Variants in AP3M1 observed in about 807,000 individuals in gnomAD.
AP3M1 encodes AP-3 complex subunit mu-1.
Under a neutral mutation model 42.6 loss-of-function variants are expected in AP3M1, and 29 were observed. The ratio of observed to expected loss-of-function variants is 0.68; its 90% CI spans 0.51 to 0.93. AP3M1 has a LOEUF of 0.93. Among genes scored for constraint, AP3M1 ranks in the 40% least tolerant of loss-of-function variants. AP3M1 has a pLI of 0.00. For missense variants in AP3M1, 416 were observed against 510.2 expected (o/e 0.82, Z 1.78); for synonymous variants, 178 against 175.3 (o/e 1.02, Z -0.12).
rs1217174661 is a variant in AP3M1 at position 74,126,143 on chromosome 10, T to C, written c.1011+5A>G. The C allele has an allele frequency of 1.2e-6, 2 of 1,613,980 alleles. No individual in the cohort carries two copies. The highest frequency in any genetic ancestry group is 3.3e-5 in the Admixed American group (2 of 59,996). ...TTGCTCACTCTTGATTTGAAGTGGC[T>C]GTACCTTGGTGACTGGATCAAATGT... On this transcript the variant is annotated splice_donor_5th_base_variant and intron_variant, in intron 7 of 8. Coordinates refer to ENST00000355264, the MANE Select transcript of AP3M1 (RefSeq NM_012095.6).
chr10:74,139,119 A>C (rs910592839), intron 1 of AP3M1, among the ~76,000 whole-genome samples: 1 of 152,008 alleles, frequency 6.6e-6, no homozygotes, highest in Non-Finnish European at 1.5e-5. Context: ...AAGCAAGAAA[A>C]TAAAACAAAA....
At chr10:74,138,068 T>G in intron 2 of AP3M1, 39 bp downstream of exon 2, 1 of 1,583,484 alleles carries the variant, frequency 6.3e-7, no homozygotes, top group Non-Finnish European at 8.6e-7. Flanking sequence ...TCAGCTAACT[T>G]GGGTCATTTA....
rs1840954043 is a variant in AP3M1 at position 74,136,615 on chromosome 10, G to GT, written c.445+16dup. ...TTTTAATTGCTCAGTTACTAGCACA[G>GT]TATGTTTTCATCTTACCTGTAATAG... On this transcript the variant is annotated intron_variant, in intron 3 of 8. Transcript: ENST00000355264. 6.6e-7 allele frequency: 1 copy of GT among 1,513,000 alleles called. No individual in the cohort carries two copies. 93.7% of individuals were successfully genotyped at this position (1,513,000 alleles called of 1,614,324 possible).
intron 4 of AP3M1, 126 bp downstream of exon 4, chr10:74,133,901 C>T: frequency 8.7e-7 from 1 of 1,152,474 alleles, no homozygotes; most frequent in Non-Finnish European, 1.2e-6. Context: ...GTTCCGCCTG[C>T]CTTGGCCTCC....
At chr10:74,128,229 G>A (rs1462018970) in intron 6 of AP3M1, among the ~76,000 whole-genome samples, 3 of 148,300 alleles carry the variant, frequency 2.0e-5, no homozygotes, top group African/African-American at 7.6e-5. Context: ...CTATAACTCC[G>A]ATCCCCAATG....
chr10:74,138,442 A>C, intron 1 of AP3M1, 60 bp from the exon 2 acceptor site: 5 of 1,465,558 alleles, frequency 3.4e-6, no homozygotes, highest in Non-Finnish European at 4.6e-6. Flanking sequence ...AACATACACA[A>C]AAAGATTATA....
At chr10:74,137,632 A>G (rs762460605) in intron 2 of AP3M1, among the ~76,000 whole-genome samples, 69 of 152,220 alleles carry the variant, frequency 4.5e-4, no homozygotes, top group Non-Finnish European at 8.4e-4. Flanking sequence ...TAGATACCAA[A>G]GTTCACAATT....
intron 4 of AP3M1, among the ~76,000 whole-genome samples, chr10:74,132,668 C>T (rs180818224): frequency 5.1e-4 from 77 of 151,190 alleles, no homozygotes; most frequent in Middle Eastern, 3.4e-3. Context: ...GCAGGGACTG[C>T]GCCAATGCAC....
chr10:74,122,234 A>G lies in AP3M1; in HGVS notation c.*1576T>C, dbSNP rs1840487818. ...GAAAGGCAGGGCAGGCAAAGGTAAG[A>G]AAACTGCTGAGTGGGCTCCTTGTAC... On this transcript the variant is annotated 3_prime_UTR_variant, in exon 9 of 9. Transcript: ENST00000355264. The G allele has an allele frequency of 6.6e-6, 1 of 152,228 alleles. No homozygotes were observed. The highest frequency in any genetic ancestry group is 6.5e-5 in the Admixed American group (1 of 15,276). 9.4% of individuals were successfully genotyped at this position (152,228 alleles called of 1,614,324 possible). A position where few individuals can be genotyped will look rare whatever the true frequency, so the allele number is the denominator to read the frequency against.
chr10:74,125,443 A>G (rs1380050155), intron 7 of AP3M1, among the ~76,000 whole-genome samples: 1 of 152,260 alleles, frequency 6.6e-6, no homozygotes, highest in African/African-American at 2.4e-5. Context: ...AAGGGCCAGG[A>G]ATCTGAAGCT....
chr10:74,127,419 A>G (rs1043410743), intron 6 of AP3M1, among the ~76,000 whole-genome samples: 4 of 151,902 alleles, frequency 2.6e-5, no homozygotes, highest in Admixed American at 6.6e-5. Flanking sequence ...CAAGGCAGGC[A>G]GATCACTGGA....
intron 1 of AP3M1, among the ~76,000 whole-genome samples, chr10:74,140,308 G>A (rs1017114708): frequency 6.6e-6 from 1 of 152,260 alleles, no homozygotes; most frequent in Non-Finnish European, 1.5e-5. Context: ...TGGCCAGCTG[G>A]TCGCCGTAGG....
At chr10:74,136,887 T>C in intron 2 of AP3M1, 84 bp from the exon 3 acceptor site, 3 of 898,186 alleles carry the variant, frequency 3.3e-6, no homozygotes, top group Non-Finnish European at 4.7e-6. Context: ...AGAATAAACT[T>C]AGAGTAGCAT....
intron 7 of AP3M1, among the ~76,000 whole-genome samples, chr10:74,125,062 A>C (rs7080130): frequency 0.73 from 111,470 of 151,926 alleles, 41,596 homozygotes; most frequent in Middle Eastern, 0.85. Context: ...CTCACCACAA[A>C]CTCTGCCTCC....
intron 6 of AP3M1, among the ~76,000 whole-genome samples, chr10:74,127,167 G>C (rs1401251382): frequency 6.6e-6 from 1 of 151,848 alleles, no homozygotes; most frequent in Admixed American, 6.6e-5. Flanking sequence ...TTTATGTAAG[G>C]GACTCGAGCA....
Position 74,147,486 on chromosome 10 carries a change from G to A in AP3M1, c.-4+3269C>T, listed in dbSNP as rs1463593449. The stretch of plus-strand genomic sequence containing the variant: ...AAATTATAGTTGTATATATTTAGGG[G>A]TACCAGATGTTATGATTTATGAAAT... On this transcript the variant is annotated intron_variant, in intron 1 of 8. Transcript: ENST00000355264. Among the ~76,000 whole-genome samples, 6 of 152,004 alleles carry A rather than the reference G, an allele frequency of 3.9e-5. No individual in the cohort carries two copies. The South Asian group carries it at 1.2e-3, about 32-fold the overall frequency.
At chr10:74,132,555 C>A (rs896836388) in intron 4 of AP3M1, among the ~76,000 whole-genome samples, 25 of 151,798 alleles carry the variant, frequency 1.6e-4, no homozygotes, top group Middle Eastern at 3.4e-3. Context: ...GTTAGCCAGG[C>A]ATGGTGGCGT....
intron 4 of AP3M1, among the ~76,000 whole-genome samples, chr10:74,131,500 T>C (rs1046190932): frequency 6.6e-6 from 1 of 151,036 alleles, no homozygotes; most frequent in Non-Finnish European, 1.5e-5. Flanking sequence ...AAGTGTATTA[T>C]GAAATGGACT....
At chr10:74,136,294 A>T (rs901293791) in intron 3 of AP3M1, among the ~76,000 whole-genome samples, 14 of 152,196 alleles carry the variant, frequency 9.2e-5, no homozygotes, top group African/African-American at 3.4e-4. Flanking sequence ...CAGTCTATAA[A>T]TGGACTAAAT....
Sources: gnomAD v4.1 joint callset for allele counts (sites outside exome capture counted in the v4.1 genomes callset) on GRCh38, gnomAD v4.1.1 for gene constraint, MANE v1.5 for transcripts, NCBI Gene and HGNC (gene_info 2026-07-23, HGNC 2026-07-21) for gene names.